TNS3: variants seen among roughly 807,000 people sequenced by gnomAD.
The protein encoded by TNS3 is tensin 3.
In TNS3, 45 loss-of-function variants were observed where a neutral mutation model predicts 140.9. The ratio of observed to expected loss-of-function variants is 0.32; its 90% CI spans 0.25 to 0.41. The LOEUF (loss-of-function observed/expected upper bound fraction) is 0.41. TNS3 is among the 10% of genes least tolerant of loss of function. TNS3 has a pLI of 1.00. For synonymous variants in TNS3, 815 were observed against 788.4 expected (o/e 1.03, Z -0.56); for missense variants, 1,716 against 1,906.7 (o/e 0.90, Z 1.86).
chr7:47,557,085 G>A (rs962068868), intron 1 of TNS3: 1 of 456,692 alleles, frequency 2.2e-6, no homozygotes, highest in African/African-American at 2.0e-5. Context: ...ACCAGTTGGT[G>A]ATGCATCCGA....
At chr7:47,417,346 G>A (rs1042979605) in intron 10 of TNS3, among the ~76,000 whole-genome samples, 1 of 152,204 alleles carries the variant, frequency 6.6e-6, no homozygotes, top group African/African-American at 2.4e-5. Flanking sequence ...GACACCAGAC[G>A]AAGCACGAGA....
At chr7:47,455,294 C>T (rs1199737671) in intron 4 of TNS3, among the ~76,000 whole-genome samples, 1 of 152,114 alleles carries the variant, frequency 6.6e-6, no homozygotes, top group African/African-American at 2.4e-5. Context: ...AAAGGGGCTG[C>T]CCAGAGAATG....
At chr7:47,570,239 A>G (rs184737787) in intron 1 of TNS3, among the ~76,000 whole-genome samples, 58 of 152,384 alleles carry the variant, frequency 3.8e-4, no homozygotes, top group Admixed American at 2.6e-4. Flanking sequence ...CCATTTTCCG[A>G]GGAAGAAAAA....
chr7:47,337,271 T>C (rs1304045089), intron 20 of TNS3, among the ~76,000 whole-genome samples: 1 of 152,232 alleles, frequency 6.6e-6, no homozygotes, highest in Non-Finnish European at 1.5e-5. Flanking sequence ...CTGAATAAAA[T>C]CTGTCCTTAC....
At chr7:47,422,859 T>C (rs1384943238) in intron 10 of TNS3, among the ~76,000 whole-genome samples, 1 of 139,566 alleles carries the variant, frequency 7.2e-6, no homozygotes, top group African/African-American at 2.7e-5. Context: ...AGAAATAACA[T>C]TTAATGGTTC....
intron 20 of TNS3, among the ~76,000 whole-genome samples, chr7:47,305,548 A>G (rs1444551465): frequency 6.6e-6 from 1 of 152,178 alleles, no homozygotes; most frequent in Admixed American, 6.5e-5. Context: ...TGGGCCATCA[A>G]CATCGAGCAC....
At chr7:47,517,956 T>C (rs762050924) in intron 2 of TNS3, among the ~76,000 whole-genome samples, 1 of 152,206 alleles carries the variant, frequency 6.6e-6, no homozygotes, top group Non-Finnish European at 1.5e-5. Context: ...AAATTAATTG[T>C]TGAGGGCATC....
intron 20 of TNS3, among the ~76,000 whole-genome samples, chr7:47,327,954 AG>A (rs1328969448): frequency 1.3e-5 from 2 of 151,958 alleles, no homozygotes; most frequent in African/African-American, 4.8e-5. Flanking sequence ...AGCAGGAAGA[AG>A]CAATGAGTCC....
At chr7:47,573,022 A>G (rs918556381) in intron 1 of TNS3, among the ~76,000 whole-genome samples, 64 of 152,348 alleles carry the variant, frequency 4.2e-4, no homozygotes, top group Admixed American at 2.7e-3. Context: ...GGGCTGCCCC[A>G]GAAATCAAGG....
chr7:47,386,948 G>A (rs141655847), intron 16 of TNS3, among the ~76,000 whole-genome samples: 1 of 152,328 alleles, frequency 6.6e-6, no homozygotes, highest in Non-Finnish European at 1.5e-5. Flanking sequence ...TGACACCTAT[G>A]CCTTCTACCT....
At chr7:47,377,732 T>TCTCCTCCTCCCTTTCCTCCTCCTC (rs1791487623) in intron 16 of TNS3, among the ~76,000 whole-genome samples, 10 of 146,762 alleles carry the variant, frequency 6.8e-5, no homozygotes, top group South Asian at 2.3e-4. Context: ...TCCTCCTCCT[T>TCTCCTCCTCCCTTTCCTCCTCCTC]CTCCTCCTCC....
intron 2 of TNS3, among the ~76,000 whole-genome samples, chr7:47,524,520 A>C (rs1172537679): frequency 1.3e-5 from 2 of 152,294 alleles, no homozygotes; most frequent in East Asian, 3.9e-4. Context: ...AGGCAATGGG[A>C]GGCCGGGCGC....
In TNS3 at chr7:47,473,529, GGTGTATAGACCC is replaced by G. The variant is rs1478246944; in HGVS notation, c.-76+7562_-76+7573del. On this transcript the variant is annotated intron_variant, in intron 4 of 30. Transcript: ENST00000311160. ...TGATCTTCAGCCGAGACTCTGCTGT[GGTGTATAGACCC>G]GTGTCTGTGTTTCTGAAGTTTACTG... Among the ~76,000 whole-genome samples, 5 of 152,268 alleles carry G rather than the reference GGTGTATAGACCC, an allele frequency of 3.3e-5. No homozygotes were observed. The East Asian group carries it at 9.7e-4, about 29-fold the overall frequency.
chr7:47,368,512 T>A lies in TNS3; in HGVS notation c.2134A>T (p.Thr712Ser). ...LNRLILELDP[T>S]FEPIPTHMNA... ...ATGTGGGTAGGGATGGGCTCGAAGG[T>A]GGGATCCAGCTCCAGGATCAGCCTG... is the stretch of plus-strand genomic sequence containing the variant. Residue 712 changes from threonine (T) to serine (S), a missense_variant, in exon 17 of 31, where the codon ACC becomes TCC. Physicochemically the swap from Thr to Ser is moderately conservative, Grantham distance 58. Coordinates refer to ENST00000311160, the MANE Select transcript of TNS3 (RefSeq NM_022748.12). 1 of 1,591,996 alleles carries A rather than the reference T, an allele frequency of 6.3e-7. No homozygotes were observed. Among genetic ancestry groups the A allele is most frequent in the Non-Finnish European group, 8.6e-7 (1 of 1,163,938 alleles).
At chr7:47,432,349 T>C (rs574428162) in intron 8 of TNS3, among the ~76,000 whole-genome samples, 7 of 152,190 alleles carry the variant, frequency 4.6e-5, no homozygotes, top group African/African-American at 7.2e-5. Flanking sequence ...CCCCTCGCCA[T>C]GTGATGCCCC....
chr7:47,516,135 CAT>C (rs1372121612), intron 2 of TNS3, among the ~76,000 whole-genome samples: 6 of 152,210 alleles, frequency 3.9e-5, no homozygotes, highest in Non-Finnish European at 5.9e-5. Flanking sequence ...ATGTATATGA[CAT>C]ATGTGAATTA....
At chr7:47,456,150 G>A (rs781382235) in intron 4 of TNS3, among the ~76,000 whole-genome samples, 4 of 152,202 alleles carry the variant, frequency 2.6e-5, no homozygotes, top group South Asian at 4.1e-4. Context: ...GGCAGTGGAC[G>A]ACATAGGTGG....
At chr7:47,389,006 GAAGAAGAAGAAGAAGAAGAAGAA>G (rs1792262163) in intron 16 of TNS3, among the ~76,000 whole-genome samples, 1 of 2,396 alleles carries the variant, frequency 4.2e-4, no homozygotes, top group African/African-American at 5.5e-4. Flanking sequence ...GAAGAAGGAA[GAAGAAGAAGAAGAAGAAGAAGAA>G]GAAGAAGAAG....
upstream of TNS3, chr7:47,582,362 TTGA>T (rs1784557851): frequency 2.2e-6 from 1 of 453,236 alleles, no homozygotes; most frequent in South Asian, 1.6e-5. Flanking sequence ...ATCAGACCCA[TTGA>T]GCAGCCCAGG....
Sources: allele counts gnomAD v4.1 joint callset (sites outside exome capture counted in the v4.1 genomes callset), GRCh38; gene constraint gnomAD v4.1.1; transcripts MANE v1.5; gene names NCBI Gene and HGNC (gene_info 2026-07-23, HGNC 2026-07-21).